FGF14: variants seen among roughly 807,000 people sequenced by gnomAD.
The protein encoded by FGF14 is fibroblast growth factor homologous factor 4.
FGF14 carries 5 observed loss-of-function variants against 25.5 expected under a neutral mutation model. The observed-to-expected ratio is 0.20, with a 90% CI of 0.10 to 0.41. The LOEUF (loss-of-function observed/expected upper bound fraction) is 0.41, where lower values mean the gene tolerates loss of function less well. Among genes scored for constraint, FGF14 ranks in the 10% least tolerant of loss-of-function variants. The probability of loss-of-function intolerance (pLI) is 1.00; values close to 1 mark genes in which losing one functional copy is unlikely to be tolerated. For synonymous variants in FGF14, 138 were observed against 118.3 expected, an observed-to-expected ratio of 1.17 and a Z score of -1.08; for missense variants, 222 against 320.1, an observed-to-expected ratio of 0.69 and a Z score of 2.34.
chr13:102,279,560 C>T (rs1378477426), intron 1 of FGF14, among the ~76,000 whole-genome samples: 2 of 152,104 alleles, frequency 1.3e-5, no homozygotes, highest in African/African-American at 4.8e-5. Context: ...TTGTTGATCA[C>T]TAATTTGTAA....
At chr13:102,245,358 C>CT (rs1245785503) in intron 1 of FGF14, among the ~76,000 whole-genome samples, 1 of 152,030 alleles carries the variant, frequency 6.6e-6, no homozygotes, top group Non-Finnish European at 1.5e-5. Context: ...ACTGAAATGT[C>CT]TTTAAAGTAT....
chr13:102,297,090 G>A (rs955358611), intron 1 of FGF14, among the ~76,000 whole-genome samples: 5 of 152,154 alleles, frequency 3.3e-5, no homozygotes, highest in African/African-American at 1.2e-4. Context: ...ATGGTGATAA[G>A]TCATACTGAT....
In FGF14 at chr13:102,254,445, C is replaced by A. The variant is rs538002134; in HGVS notation, c.208+147026G>T. ...AGTTGGGTTTACAGGAGCTTCCAGG[C>A]GAGTCCAGGAGCCTCTTTGTCACTC... On this transcript the variant is annotated intron_variant, in intron 1 of 4. Transcript: ENST00000376131. Among the ~76,000 whole-genome samples, 13 of 152,222 alleles carry A rather than the reference C, an allele frequency of 8.5e-5. No homozygotes were observed. The East Asian group carries it at 2.3e-3, about 27-fold the overall frequency.
chr13:102,219,095 T>C (rs2050498600), intron 1 of FGF14, among the ~76,000 whole-genome samples: 1 of 152,236 alleles, frequency 6.6e-6, no homozygotes, highest in African/African-American at 2.4e-5. Flanking sequence ...ATTCCAATTA[T>C]ACTCTTAGTT....
chr13:102,278,626 TAA>T (rs1491532821), intron 1 of FGF14, among the ~76,000 whole-genome samples: 1 of 97,538 alleles, frequency 1.0e-5, no homozygotes, highest in Non-Finnish European at 1.9e-5. Context: ...ACATTTTATG[TAA>T]TATATATATA....
rs188105967 is a variant in FGF14 at position 102,218,668 on chromosome 13, T to A, written c.208+182803A>T. Among the ~76,000 whole-genome samples the A allele has an allele frequency of 3.0e-3, 454 of 152,232 alleles. 2 individuals carry two copies. The highest frequency in any genetic ancestry group is 4.0e-3 in the Non-Finnish European group (274 of 68,016). On this transcript the variant is annotated intron_variant, in intron 1 of 4. Coordinates refer to the FGF14 transcript ENST00000376131. ...AGGGTGCCATAACTCTCACCCTTTT[T>A]AATCTTTTTCTTTTCGCCTGCATCT...
chr13:101,850,948 G>T (rs2043815599), intron 3 of FGF14, among the ~76,000 whole-genome samples: 1 of 151,796 alleles, frequency 6.6e-6, no homozygotes, highest in Non-Finnish European at 1.5e-5. Context: ...ATGAGGGATA[G>T]GAAGTTAAAT....
At chr13:101,777,333 C>T (rs1004535449) in intron 3 of FGF14, among the ~76,000 whole-genome samples, 1 of 152,162 alleles carries the variant, frequency 6.6e-6, no homozygotes, top group Admixed American at 6.5e-5. Context: ...TATTCTGTCA[C>T]TAGTGAGTAA....
chr13:102,326,673 G>C (rs1375886873), intron 1 of FGF14, among the ~76,000 whole-genome samples: 1 of 55,166 alleles, frequency 1.8e-5, no homozygotes, highest in African/African-American at 7.9e-5. Context: ...GGGAGGGGAA[G>C]GGAAGGGAAG....
At chr13:102,178,656 C>T (rs189467937) in intron 1 of FGF14, among the ~76,000 whole-genome samples, 139 of 152,102 alleles carry the variant, frequency 9.1e-4, no homozygotes, top group Non-Finnish European at 1.5e-3. Context: ...CTATTTGTTT[C>T]GGAGTTATTT....
intron 1 of FGF14, among the ~76,000 whole-genome samples, chr13:102,353,695 T>TA (rs2057350891): frequency 6.6e-6 from 1 of 152,162 alleles, no homozygotes; most frequent in Admixed American, 6.5e-5. Context: ...ACCTCCCACT[T>TA]AGACTACTGA....
chr13:102,175,455 G>C (rs1315104368), intron 1 of FGF14, among the ~76,000 whole-genome samples: 2 of 151,932 alleles, frequency 1.3e-5, no homozygotes, highest in South Asian at 2.1e-4. Context: ...CAGATTAAAG[G>C]TTTAAATGTT....
At chr13:102,291,814 CA>C (rs2054415267) in intron 1 of FGF14, among the ~76,000 whole-genome samples, 6 of 152,224 alleles carry the variant, frequency 3.9e-5, no homozygotes, top group Admixed American at 3.9e-4. Flanking sequence ...CTGACTCCTC[CA>C]ATGCTCTGGT....
At chr13:102,215,694 T>C (rs1391555774) in intron 1 of FGF14, among the ~76,000 whole-genome samples, 1 of 152,232 alleles carries the variant, frequency 6.6e-6, no homozygotes, top group Non-Finnish European at 1.5e-5. Flanking sequence ...GTTTAGGCTA[T>C]TTATATAATT....
At chr13:102,368,482 G>T (rs1265378891) in intron 1 of FGF14, among the ~76,000 whole-genome samples, 1 of 152,046 alleles carries the variant, frequency 6.6e-6, no homozygotes, top group Non-Finnish European at 1.5e-5. Flanking sequence ...TTATGACCAC[G>T]GGGGGTTCAG....
At chr13:101,769,654 C>T (rs898631180) in intron 3 of FGF14, among the ~76,000 whole-genome samples, 4 of 148,154 alleles carry the variant, frequency 2.7e-5, no homozygotes, top group Non-Finnish European at 6.1e-5. Context: ...AATCCATGAA[C>T]AGACATGGAA....
chr13:102,227,764 G>C (rs2050893630), intron 1 of FGF14, among the ~76,000 whole-genome samples: 1 of 152,146 alleles, frequency 6.6e-6, no homozygotes, highest in Admixed American at 6.6e-5. Context: ...AAGAAGGAGA[G>C]TCCTCAGTAA....
chr13:101,932,376 C>CA (rs1484127277), intron 1 of FGF14, among the ~76,000 whole-genome samples: 6 of 151,540 alleles, frequency 4.0e-5, no homozygotes, highest in African/African-American at 1.5e-4. Flanking sequence ...CCTAAAAATA[C>CA]AAAAAAGTTA....
intron 3 of FGF14, among the ~76,000 whole-genome samples, chr13:101,858,665 A>C (rs2044251681): frequency 6.6e-6 from 1 of 152,126 alleles, no homozygotes; most frequent in African/African-American, 2.4e-5. Context: ...TATTTACAGT[A>C]GTTTATATAG....
Sources: allele counts gnomAD v4.1 joint callset (sites outside exome capture counted in the v4.1 genomes callset), GRCh38; gene constraint gnomAD v4.1.1; transcripts MANE v1.5; gene names NCBI Gene and HGNC (gene_info 2026-07-23, HGNC 2026-07-21).